Variants in ZNF728 observed in about 807,000 individuals in gnomAD.
The protein encoded by ZNF728 is zinc finger protein 728.
Under a neutral mutation model 12.5 loss-of-function variants are expected in ZNF728, and 12 were observed. That is an observed-to-expected ratio of 0.96 (90% CI 0.61 to 1.55). ZNF728 has a LOEUF of 1.55. Ranked by LOEUF, ZNF728 falls within the 40% of genes most tolerant of loss-of-function variation. The probability of loss-of-function intolerance (pLI) is 0.00; values close to 1 mark genes in which losing one functional copy is unlikely to be tolerated. For missense variants in ZNF728, 692 were observed against 719.2 expected, an observed-to-expected ratio of 0.96 and a Z score of 0.43; for synonymous variants, 205 against 240.7, an observed-to-expected ratio of 0.85 and a Z score of 1.37.
chr19:22,994,704 C>T (rs1189910540), intron 1 of ZNF728, among the ~76,000 whole-genome samples: 2 of 152,200 alleles, frequency 1.3e-5, no homozygotes, highest in African/African-American at 2.4e-5. Flanking sequence ...ACTTGAACCC[C>T]GGTGCCTGCT....
chr19:22,977,003 G>A lies in ZNF728; in HGVS notation c.334C>T (p.Gln112Ter), dbSNP rs765000151. Residue 112 changes from glutamine (Q) to a stop codon, truncating the protein, a stop_gained, in exon 4 of 4, where the codon CAG (glutamine) becomes TAG (stop). Transcript: ENST00000594710. LOFTEE classifies it low-confidence loss of function (END_TRUNC). ...ACATTGGTACAACCAATTTTTAACT[G>A]TAAATTCTCATGTCCACATTTTTCA... ...RYEKCGHENLQLKIGCTNVDE... is the reference protein window; with the variant it reads ...RYEKCGHENL The A allele has an allele frequency of 6.6e-5, 106 of 1,613,348 alleles. No homozygotes were observed. The highest frequency in any genetic ancestry group is 8.0e-5 in the Non-Finnish European group (94 of 1,179,744).
In ZNF728 at chr19:22,999,331, A is replaced by G. The variant is rs1415970875; in HGVS notation, c.3+3697T>C. Among the ~76,000 whole-genome samples, 5 of 152,040 alleles carry G rather than the reference A, an allele frequency of 3.3e-5. No homozygotes were observed. The East Asian group carries it at 9.6e-4, about 29-fold the overall frequency. On this transcript the variant is annotated intron_variant, in intron 1 of 3. Coordinates refer to ENST00000594710, the MANE Select transcript of ZNF728 (RefSeq NM_001267716.2). The stretch of plus-strand genomic sequence containing the variant: ...TCAAAACTGCCTCAAAAAAGTAACA[A>G]TTTTATCTTCAGTAAGACACTCCCA...
intron 1 of ZNF728, among the ~76,000 whole-genome samples, chr19:22,989,498 A>G (rs1379758113): frequency 6.6e-6 from 1 of 152,170 alleles, no homozygotes; most frequent in Non-Finnish European, 1.5e-5. Context: ...TTAACGATGA[A>G]CAGAAAAATA....
At chr19:22,988,626 C>T (rs1268881018) in intron 1 of ZNF728, among the ~76,000 whole-genome samples, 175 bp from the exon 2 acceptor site, 5 of 152,278 alleles carry the variant, frequency 3.3e-5, no homozygotes, top group Admixed American at 2.0e-4. Context: ...TATTCTCTAA[C>T]TCTGAGAAAA....
chr19:22,989,739 T>C (rs2145345191), intron 1 of ZNF728, among the ~76,000 whole-genome samples: 1 of 152,346 alleles, frequency 6.6e-6, no homozygotes, highest in East Asian at 1.9e-4. Flanking sequence ...TAATTTTTAA[T>C]AGTGATTTTA....
intron 1 of ZNF728, among the ~76,000 whole-genome samples, chr19:23,002,563 G>C (rs1969124057): frequency 6.6e-6 from 1 of 152,126 alleles, no homozygotes; most frequent in South Asian, 2.1e-4. Context: ...CCCATAGCTG[G>C]GTGCTCTACA....
chr19:22,991,764 G>A lies in ZNF728; in HGVS notation c.4-3313C>T, dbSNP rs536846863. Reference sequence around the variant, plus strand: ...CCGGGGTAGAGCCAGACATAAATAAGGCCTCCAAAAAGGGTGAATATGAAC... The same window carrying A: ...CCGGGGTAGAGCCAGACATAAATAAAGCCTCCAAAAAGGGTGAATATGAAC... On this transcript the variant is annotated intron_variant, in intron 1 of 3. Coordinates refer to ENST00000594710, the MANE Select transcript of ZNF728 (RefSeq NM_001267716.2). 1.3e-4 allele frequency among the ~76,000 whole-genome samples: 20 copies of A among 152,248 alleles called. No individual in the cohort carries two copies. In the East Asian group the frequency reaches 3.9e-3, roughly 29 times the overall value.
At chr19:22,994,643 T>G (rs921449909) in intron 1 of ZNF728, among the ~76,000 whole-genome samples, 4 of 152,244 alleles carry the variant, frequency 2.6e-5, no homozygotes, top group African/African-American at 9.6e-5. Flanking sequence ...TTGGTTATAA[T>G]CAATGACAAA....
chr19:22,983,885 T>A (rs959801307), intron 3 of ZNF728, among the ~76,000 whole-genome samples: 22 of 151,924 alleles, frequency 1.4e-4, no homozygotes, highest in African/African-American at 4.6e-4. Flanking sequence ...TGAATAACAT[T>A]AGGAGAAATA....
intron 3 of ZNF728, among the ~76,000 whole-genome samples, chr19:22,980,185 C>CAA (rs147737278): frequency 0.017 from 1,461 of 86,550 alleles, 31 homozygotes; most frequent in African/African-American, 0.046. Flanking sequence ...AAATGGAAAG[C>CAA]AAAAAAAAAA....
chr19:23,000,338 A>G (rs989221049), intron 1 of ZNF728, among the ~76,000 whole-genome samples: 2 of 151,796 alleles, frequency 1.3e-5, no homozygotes, highest in African/African-American at 2.4e-5. Context: ...AGATCCCACC[A>G]TTGCACTCCA....
intron 1 of ZNF728, among the ~76,000 whole-genome samples, chr19:22,990,258 G>GAA (rs571188409): frequency 1.3e-4 from 18 of 143,294 alleles, no homozygotes; most frequent in Admixed American, 2.8e-4. Flanking sequence ...ACATTTAGCT[G>GAA]AAAAAAAAAA....
rs1968941398 is a variant in ZNF728, at chr19:22,988,320, C to T, written c.130+5G>A. ...CTAGGAATTGCGTATTAAAGTTATT[C>T]TCACCCAGGAAGACCAGGTTTCTGT... is the stretch of plus-strand genomic sequence containing the variant. On this transcript the variant is annotated splice_donor_5th_base_variant and intron_variant, in intron 2 of 3. Transcript: ENST00000594710. 21 of 1,614,090 alleles carry T rather than the reference C, an allele frequency of 1.3e-5. No individual in the cohort carries two copies. The highest frequency in any genetic ancestry group is 1.7e-5 in the Non-Finnish European group (20 of 1,179,982).
intron 1 of ZNF728, among the ~76,000 whole-genome samples, chr19:23,001,404 G>A (rs1044024805): frequency 5.9e-5 from 9 of 152,180 alleles, no homozygotes; most frequent in Non-Finnish European, 1.2e-4. Context: ...GAGAAGCTAC[G>A]CTTCATATCT....
chr19:22,992,046 C>G (rs1968993966), intron 1 of ZNF728, among the ~76,000 whole-genome samples: 1 of 151,996 alleles, frequency 6.6e-6, no homozygotes, highest in Non-Finnish European at 1.5e-5. Context: ...ATACAAATAA[C>G]AATGACGACT....
Position 22,992,583 on chromosome 19 carries a change from G to GCAATTAGTTTATCTGTTTGAGCC in ZNF728, c.4-4155_4-4133dup, listed in dbSNP as rs1969002570. Among the ~76,000 whole-genome samples the GCAATTAGTTTATCTGTTTGAGCC allele has an allele frequency of 2.0e-5, 3 of 152,094 alleles. No individual in the cohort carries two copies. In the South Asian group the frequency reaches 6.2e-4, roughly 32 times the overall value. On this transcript the variant is annotated intron_variant, in intron 1 of 3. Coordinates refer to ENST00000594710, the MANE Select transcript of ZNF728 (RefSeq NM_001267716.2). Reference sequence around the variant, plus strand: ...TTTTTTATGACTATATGAAATGGAAGCAATTAGTTTATCTGTTTGAGCCCA... The same window carrying GCAATTAGTTTATCTGTTTGAGCC: ...TTTTTTATGACTATATGAAATGGAAGCAATTAGTTTATCTGTTTGAGCCCAATTAGTTTATCTGTTTGAGCCCA...
At chr19:22,978,485 C>T (rs889032279) in intron 3 of ZNF728, among the ~76,000 whole-genome samples, 2 of 152,164 alleles carry the variant, frequency 1.3e-5, no homozygotes, top group African/African-American at 4.8e-5. Flanking sequence ...CATAAAAAAA[C>T]AACACCTAGC....
At chr19:22,989,343 G>A (rs187821770) in intron 1 of ZNF728, among the ~76,000 whole-genome samples, 2 of 152,170 alleles carry the variant, frequency 1.3e-5, no homozygotes, top group South Asian at 2.1e-4. Context: ...GAATGAGCCT[G>A]TGTTTTTCTC....
At chr19:23,000,739 G>A (rs2463795) in intron 1 of ZNF728, among the ~76,000 whole-genome samples, 46,252 of 151,250 alleles carry the variant, frequency 0.31, 9,146 homozygotes, top group African/African-American at 0.57. Flanking sequence ...GTGGTGGTGG[G>A]CACCTGTAGT....
Sources: gnomAD v4.1 joint callset for allele counts (sites outside exome capture counted in the v4.1 genomes callset) on GRCh38, gnomAD v4.1.1 for gene constraint, MANE v1.5 for transcripts, NCBI Gene and HGNC (gene_info 2026-07-23, HGNC 2026-07-21) for gene names.